JMJD1C: variants seen among roughly 807,000 people sequenced by gnomAD.
The protein encoded by JMJD1C is jumonji domain containing 1C, also known as jumonji domain-containing protein 1C.
A neutral mutation model predicts 245.3 loss-of-function variants in JMJD1C; 31 were observed. The observed-to-expected ratio is 0.13, with a 90% CI of 0.09 to 0.17. JMJD1C has a LOEUF of 0.17. JMJD1C is among the 10% of genes least tolerant of loss of function. The pLI is 1.00. For missense variants in JMJD1C, 2,691 were observed against 3,000.2 expected, an observed-to-expected ratio of 0.90 and a Z score of 2.41; for synonymous variants, 1,057 against 1,017.4, an observed-to-expected ratio of 1.04 and a Z score of -0.74.
At chr10:63,386,660 G>A (rs1198231108) in intron 1 of JMJD1C, among the ~76,000 whole-genome samples, 1 of 152,194 alleles carries the variant, frequency 6.6e-6, no homozygotes, top group Non-Finnish European at 1.5e-5. Context: ...GGCACCTGCA[G>A]CAGGCCTGGA....
intron 1 of JMJD1C, among the ~76,000 whole-genome samples, chr10:63,419,953 T>C (rs1329779073): frequency 1.3e-5 from 2 of 150,668 alleles, no homozygotes; most frequent in African/African-American, 4.9e-5. Context: ...CTGGCCAATA[T>C]GGTGAAACCC....
chr10:63,243,829 A>G (rs369536313), intron 3 of JMJD1C, among the ~76,000 whole-genome samples: 2 of 152,336 alleles, frequency 1.3e-5, no homozygotes, highest in East Asian at 3.9e-4. Context: ...AAAAAACCAG[A>G]AGCAGATAAT....
intron 1 of JMJD1C, among the ~76,000 whole-genome samples, chr10:63,461,581 A>G (rs576718987): frequency 2.0e-5 from 3 of 152,352 alleles, no homozygotes; most frequent in Admixed American, 1.3e-4. Flanking sequence ...GTTTTGCAAA[A>G]TAACATCAGC....
At chr10:63,320,985 G>A (rs1196094242) in intron 2 of JMJD1C, among the ~76,000 whole-genome samples, 2 of 152,102 alleles carry the variant, frequency 1.3e-5, no homozygotes, top group African/African-American at 4.8e-5. Flanking sequence ...ATCAACAATG[G>A]CCAATTATAT....
chr10:63,390,683 T>C (rs894208953), intron 1 of JMJD1C, among the ~76,000 whole-genome samples: 7 of 152,068 alleles, frequency 4.6e-5, no homozygotes, highest in Admixed American at 3.9e-4. Context: ...ATCAAAAACA[T>C]CAAGATCAAG....
chr10:63,305,346 G>A (rs1310838603), intron 2 of JMJD1C, among the ~76,000 whole-genome samples: 6 of 137,670 alleles, frequency 4.4e-5, no homozygotes, highest in African/African-American at 5.6e-5. Flanking sequence ...CCAGCCTGGC[G>A]ACGGAGCAAG....
At chr10:63,413,917 T>C (rs1949639124) in intron 1 of JMJD1C, among the ~76,000 whole-genome samples, 1 of 151,548 alleles carries the variant, frequency 6.6e-6, no homozygotes, top group South Asian at 2.1e-4. Flanking sequence ...GAGTAACTGA[T>C]ACTGAAAGAA....
In JMJD1C at chr10:63,273,867, C is replaced by T. The variant is rs188724695; in HGVS notation, c.334-9103G>A. Among the ~76,000 whole-genome samples, 623 of 152,294 alleles carry T rather than the reference C, an allele frequency of 4.1e-3. 7 individuals carry two copies. The highest frequency in any genetic ancestry group is 0.014 in the African/African-American group (588 of 41,564). On this transcript the variant is annotated intron_variant, in intron 2 of 25. Transcript: ENST00000399262. ...CACTGCCTGCCTACCCAAAGAAAAT[C>T]TGCTCCTTCCAGTAATGTGAGAATC... is the stretch of plus-strand genomic sequence containing the variant.
At chr10:63,517,901 T>TC (rs1410631228) in intron 1 of JMJD1C, among the ~76,000 whole-genome samples, 1 of 149,656 alleles carries the variant, frequency 6.7e-6, no homozygotes, top group Admixed American at 6.7e-5. Flanking sequence ...CAGGTGATTC[T>TC]CCTGCCTCAG....
At chr10:63,363,518 A>G (rs1164634228) in intron 2 of JMJD1C, among the ~76,000 whole-genome samples, 1 of 152,122 alleles carries the variant, frequency 6.6e-6, no homozygotes, top group African/African-American at 2.4e-5. Context: ...TTGGCCTCCC[A>G]AAGTGCTGGG....
At chr10:63,391,436 G>T (rs1335771243) in intron 1 of JMJD1C, among the ~76,000 whole-genome samples, 1 of 152,048 alleles carries the variant, frequency 6.6e-6, no homozygotes, top group African/African-American at 2.4e-5. Context: ...TGTGAACTCG[G>T]GAGGCAGAGC....
intron 8 of JMJD1C, among the ~76,000 whole-genome samples, chr10:63,211,857 AAAAC>A (rs1165830342): frequency 6.6e-6 from 1 of 151,418 alleles, no homozygotes; most frequent in Non-Finnish European, 1.5e-5. Flanking sequence ...ACCCCACAAA[AAAAC>A]AAAAAAACCA....
At chr10:63,296,013 A>ATATATATT (rs71025149) in intron 2 of JMJD1C, among the ~76,000 whole-genome samples, 6 of 84,282 alleles carry the variant, frequency 7.1e-5, no homozygotes, top group South Asian at 4.2e-4. Flanking sequence ...GTATATATAT[A>ATATATATT]TTTTTTTTTT....
intron 2 of JMJD1C, among the ~76,000 whole-genome samples, chr10:63,286,567 T>C (rs1262334179): frequency 6.6e-6 from 1 of 152,186 alleles, no homozygotes; most frequent in Non-Finnish European, 1.5e-5. Context: ...CTTTAAATAA[T>C]TTACCAAGAG....
intron 2 of JMJD1C, among the ~76,000 whole-genome samples, chr10:63,323,866 A>T (rs1479765474): frequency 6.6e-6 from 1 of 152,136 alleles, no homozygotes; most frequent in Non-Finnish European, 1.5e-5. Flanking sequence ...ATTATCTCAT[A>T]TGATTATGAA....
chr10:63,176,459 T>C lies in JMJD1C; in HGVS notation c.7239A>G (p.Gln2413=). The C allele has an allele frequency of 6.2e-7, 1 of 1,612,150 alleles. No individual in the cohort carries two copies. Among genetic ancestry groups the C allele is most frequent in the South Asian group, 1.1e-5 (1 of 90,966 alleles). Residue 2413 remains glutamine (Q), a synonymous_variant, in exon 24 of 26, where the codon CAA becomes CAG. Transcript: ENST00000399262. The part of the protein sequence containing the change: ...REFLQKISKE[Q]GLEVLPEHDP... ...CATGTTCTGGTAGAACTTCAAGGCCTTGTTCTTTTGAAATCTGAAATATGA... is the reference window on the plus strand; with the variant it reads ...CATGTTCTGGTAGAACTTCAAGGCCCTGTTCTTTTGAAATCTGAAATATGA...
chr10:63,490,479 A>C (rs574265815), intron 1 of JMJD1C, among the ~76,000 whole-genome samples: 2 of 149,896 alleles, frequency 1.3e-5, no homozygotes, highest in African/African-American at 4.9e-5. Context: ...GCAGTGGTGC[A>C]ATCTTGGCTC....
At chr10:63,415,564 A>G (rs1004126157) in intron 1 of JMJD1C, among the ~76,000 whole-genome samples, 1 of 152,230 alleles carries the variant, frequency 6.6e-6, no homozygotes, top group Non-Finnish European at 1.5e-5. Context: ...GATACTGAAC[A>G]TGACCTTTAA....
intron 3 of JMJD1C, among the ~76,000 whole-genome samples, chr10:63,228,038 CTGCAGTTAACTAAA>C (rs1367980953): frequency 6.6e-6 from 1 of 152,116 alleles, no homozygotes; most frequent in Non-Finnish European, 1.5e-5. Flanking sequence ...TCTATACCAC[CTGCAGTTAACTAAA>C]TGAAGGTACC....
Sources: gnomAD v4.1 joint callset for allele counts (sites outside exome capture counted in the v4.1 genomes callset) on GRCh38, gnomAD v4.1.1 for gene constraint, MANE v1.5 for transcripts, NCBI Gene and HGNC (gene_info 2026-07-23, HGNC 2026-07-21) for gene names.